The following ELL2 variants were observed in gnomAD, a reference collection of about 807,000 sequenced individuals.
ELL2 encodes RNA polymerase II elongation factor ELL2.
In ELL2, 21 loss-of-function variants were observed where a neutral mutation model predicts 72.8. The observed-to-expected ratio is 0.29, with a 90% CI of 0.20 to 0.42. The LOEUF (loss-of-function observed/expected upper bound fraction) is 0.42. ELL2 is among the 10% of genes least tolerant of loss of function. ELL2 has a pLI of 1.00. For missense variants in ELL2, 568 were observed against 772.8 expected, an observed-to-expected ratio of 0.73 and a Z score of 3.14; for synonymous variants, 266 against 283.2, an observed-to-expected ratio of 0.94 and a Z score of 0.61.
chr5:95,929,577 A>G (rs1377174213), intron 2 of ELL2, among the ~76,000 whole-genome samples: 1 of 152,052 alleles, frequency 6.6e-6, no homozygotes, highest in Non-Finnish European at 1.5e-5. Context: ...ACTTTTATAT[A>G]TATTTGAAAC....
At chr5:95,911,210 T>C (rs1423569922) in intron 4 of ELL2, among the ~76,000 whole-genome samples, 2 of 151,458 alleles carry the variant, frequency 1.3e-5, no homozygotes, top group Non-Finnish European at 2.9e-5. Flanking sequence ...GAGCTGGCAA[T>C]GGATAAGGTT....
At chr5:95,950,977 C>G (rs1034563324) in intron 1 of ELL2, among the ~76,000 whole-genome samples, 1 of 128,874 alleles carries the variant, frequency 7.8e-6, no homozygotes, top group Admixed American at 8.5e-5. Flanking sequence ...ATATGGTTGT[C>G]TTAAATCTTA....
chr5:95,915,856 T>G (rs962012949), intron 3 of ELL2, among the ~76,000 whole-genome samples: 8 of 151,916 alleles, frequency 5.3e-5, no homozygotes, highest in African/African-American at 1.9e-4. Flanking sequence ...GAAGAGGGAA[T>G]GAGAAATACA....
In ELL2 at chr5:95,887,690, A is replaced by G. The variant is rs1414914496; in HGVS notation, c.*1181T>C. The G allele has an allele frequency of 7.2e-5, 11 of 152,420 alleles. No individual in the cohort carries two copies. Among genetic ancestry groups the G allele is most frequent in the Admixed American group, 6.6e-4 (10 of 15,254 alleles). 9.4% of individuals were successfully genotyped at this position (152,420 alleles called of 1,614,324 possible). A position where few individuals can be genotyped will look rare whatever the true frequency, so the allele number is the denominator to read the frequency against. On this transcript the variant is annotated 3_prime_UTR_variant, in exon 12 of 12. Coordinates refer to ENST00000237853, the MANE Select transcript of ELL2 (RefSeq NM_012081.6). ...ATGAATCACAGTATGTTATGGTTAAATATATCCACTCTTTTTTATATTCCT... is the reference window on the plus strand; with the variant it reads ...ATGAATCACAGTATGTTATGGTTAAGTATATCCACTCTTTTTTATATTCCT...
chr5:95,890,258 AT>A (rs1460391378), intron 10 of ELL2, among the ~76,000 whole-genome samples: 2 of 152,190 alleles, frequency 1.3e-5, no homozygotes, highest in African/African-American at 4.8e-5. Context: ...GTTGAAAAAG[AT>A]TAAGGCCCTC....
chr5:95,949,748 C>T (rs988944145), intron 1 of ELL2, among the ~76,000 whole-genome samples: 1 of 149,892 alleles, frequency 6.7e-6, no homozygotes, highest in Non-Finnish European at 1.5e-5. Context: ...TGGAACTTTG[C>T]CCAAAACAAA....
In ELL2 at chr5:95,906,742, T is replaced by C; in HGVS notation, c.522A>G (p.Ser174=). ...VQIRKAPQAV[S]DTVPERKRST... is the part of the protein sequence containing the mutation. ...ACCTTTTCCTCTCAGGAACTGTATCTGAAACAGCTTGAGGTGCTTTCCGAA... is the reference window on the plus strand; with the variant it reads ...ACCTTTTCCTCTCAGGAACTGTATCCGAAACAGCTTGAGGTGCTTTCCGAA... Residue 174 remains serine (S), a synonymous_variant, in exon 5 of 12, where the codon TCA becomes TCG. Transcript: ENST00000237853. The C allele has an allele frequency of 6.2e-7, 1 of 1,613,718 alleles. No individual in the cohort carries two copies. Among genetic ancestry groups the C allele is most frequent in the Non-Finnish European group, 8.5e-7 (1 of 1,179,792 alleles).
intron 1 of ELL2, among the ~76,000 whole-genome samples, chr5:95,952,442 C>T (rs1450474314): frequency 6.6e-6 from 1 of 152,066 alleles, no homozygotes. Flanking sequence ...TGTACACATA[C>T]CCCGAACCTA....
In ELL2 at chr5:95,888,003, A is replaced by T. The variant is rs188542773; in HGVS notation, c.*868T>A. ...AAAAAAAACAAAAAAACAAAAAAACACCCTACAGTAACACTCGTCAGTTGT... is the reference window on the plus strand; with the variant it reads ...AAAAAAAACAAAAAAACAAAAAAACTCCCTACAGTAACACTCGTCAGTTGT... On this transcript the variant is annotated 3_prime_UTR_variant, in exon 12 of 12. Transcript: ENST00000237853. The T allele has an allele frequency of 9.2e-5, 14 of 152,588 alleles. 1 individual carries two copies. The East Asian group carries it at 1.7e-3, about 19-fold the overall frequency. 9.5% of individuals were successfully genotyped at this position (152,588 alleles called of 1,614,324 possible).
intron 8 of ELL2, among the ~76,000 whole-genome samples, chr5:95,896,964 C>T (rs1457819887): frequency 6.6e-6 from 1 of 152,118 alleles, no homozygotes; most frequent in Admixed American, 6.5e-5. Flanking sequence ...GAACTCTGAA[C>T]ATAGAGTTCT....
At chr5:95,958,677 C>G (rs2112364939) in intron 1 of ELL2, among the ~76,000 whole-genome samples, 1 of 152,284 alleles carries the variant, frequency 6.6e-6, no homozygotes, top group East Asian at 1.9e-4. Context: ...GCCACTGTTT[C>G]TACCACCAGT....
chr5:95,942,879 A>T, intron 2 of ELL2, 123 bp downstream of exon 2: 2 of 550,292 alleles, frequency 3.6e-6, no homozygotes, highest in Non-Finnish European at 5.7e-6. Flanking sequence ...ATTTTCATTT[A>T]GTCACAAAGC....
rs568028942 is a variant in ELL2, at chr5:95,896,582, T to G, written c.1526-891A>C. On this transcript the variant is annotated intron_variant, in intron 8 of 11. Transcript: ENST00000237853. Reference sequence around the variant, plus strand: ...ACTCTGAGTGCATGCTGCTCACCTATAAATTCATGCTTGGGTAAAAGAACA... The same window carrying G: ...ACTCTGAGTGCATGCTGCTCACCTAGAAATTCATGCTTGGGTAAAAGAACA... Among the ~76,000 whole-genome samples the G allele has an allele frequency of 2.0e-5, 3 of 152,320 alleles. No homozygotes were observed. The East Asian group carries it at 5.8e-4, about 29-fold the overall frequency.
At chr5:95,941,794 T>C (rs1282918610) in intron 2 of ELL2, among the ~76,000 whole-genome samples, 7 of 152,322 alleles carry the variant, frequency 4.6e-5, no homozygotes, top group Middle Eastern at 3.4e-3. Context: ...ATTGCTGCCA[T>C]TAAAATTTGC....
intron 10 of ELL2, 140 bp from the exon 11 acceptor site, chr5:95,889,270 A>T: frequency 1.4e-6 from 1 of 695,770 alleles, no homozygotes; most frequent in Non-Finnish European, 2.4e-6. Flanking sequence ...ATGGAAGGCA[A>T]TGTGGCAACA....
chr5:95,887,738 T>A lies in ELL2; in HGVS notation c.*1133A>T, dbSNP rs2112260079. The A allele has an allele frequency of 6.7e-6, 1 of 149,688 alleles. No individual in the cohort carries two copies. The highest frequency in any genetic ancestry group is 1.5e-5 in the Non-Finnish European group (1 of 67,342). The allele number at this position is 149,688 out of a possible 1,614,324, so 9.3% of individuals were successfully genotyped here. A position where few individuals can be genotyped will look rare whatever the true frequency, so the allele number is the denominator to read the frequency against. ...CCTGGCACCAGGATGAAAAAAAAAA[T>A]CTTTAAATATACCTCTTATGTAGGT... is the stretch of plus-strand genomic sequence containing the variant. On this transcript the variant is annotated 3_prime_UTR_variant, in exon 12 of 12. Transcript: ENST00000237853.
chr5:95,955,582 G>A (rs747979793), intron 1 of ELL2, among the ~76,000 whole-genome samples: 12 of 152,138 alleles, frequency 7.9e-5, no homozygotes, highest in Non-Finnish European at 1.5e-4. Context: ...AACCTGACCC[G>A]AGTTATGCTG....
intron 1 of ELL2, among the ~76,000 whole-genome samples, chr5:95,953,903 T>C (rs1210063365): frequency 6.6e-6 from 1 of 152,230 alleles, no homozygotes; most frequent in African/African-American, 2.4e-5. Flanking sequence ...CTGATTTCCA[T>C]GTTAAAATAA....
intron 2 of ELL2, among the ~76,000 whole-genome samples, chr5:95,938,214 T>TTCA (rs1358770527): frequency 9.2e-5 from 14 of 152,188 alleles, no homozygotes; most frequent in Non-Finnish European, 1.8e-4. Flanking sequence ...TATAGCAGTA[T>TTCA]TCAAGCCTTT....
Sources: gnomAD v4.1 joint callset for allele counts (sites outside exome capture counted in the v4.1 genomes callset) on GRCh38, gnomAD v4.1.1 for gene constraint, MANE v1.5 for transcripts, NCBI Gene and HGNC (gene_info 2026-07-23, HGNC 2026-07-21) for gene names.